Variants in EEF2 observed in about 807,000 individuals in gnomAD.
EEF2 encodes eukaryotic translation elongation factor 2.
EEF2 carries 21 observed loss-of-function variants against 85.3 expected under a neutral mutation model. That is an observed-to-expected ratio of 0.25 (90% confidence interval 0.17 to 0.35). EEF2 has a LOEUF of 0.35. Among genes scored for constraint, EEF2 ranks in the 10% least tolerant of loss-of-function variants. The pLI is 1.00. For synonymous variants in EEF2, 723 were observed against 508.8 expected (o/e 1.42, Z -5.67); for missense variants, 825 against 1,225.3 (o/e 0.67, Z 4.88).
At position 3,985,361 on chromosome 19, in the gene EEF2, G is replaced by A. The variant is rs1458935145; in HGVS notation, c.3+17C>T. On this transcript the variant is annotated intron_variant, in intron 1 of 14. Coordinates refer to ENST00000309311, the MANE Select transcript of EEF2 (RefSeq NM_001961.4). ...CCCGCCGCCGCTCCGGGGCACCAGC[G>A]AGGCAGGGTTACTCACCATGGTGGC... 19 of 1,480,420 alleles carry A rather than the reference G, an allele frequency of 1.3e-5. No individual in the cohort carries two copies. The South Asian group carries it at 2.0e-4, about 16-fold the overall frequency. The allele number at this position is 1,480,420 out of a possible 1,614,324, so 91.7% of individuals were successfully genotyped here.
rs186122405 is a variant in EEF2, at chr19:3,981,867, C to T, written c.897+80G>A. 2,428 of 1,360,372 alleles carry T rather than the reference C, an allele frequency of 1.8e-3. 5 individuals carry two copies. Among genetic ancestry groups the T allele is most frequent in the Admixed American group, 2.7e-3 (145 of 52,884 alleles). 84.3% of individuals were successfully genotyped at this position (1,360,372 alleles called of 1,614,324 possible). ...CCACAAGGAGACGGGCCCAGTCAGC[C>T]GACAGGCTACCGGCCGGAGCCCACA... On this transcript the variant is annotated intron_variant, in intron 6 of 14. Coordinates refer to ENST00000309311, the MANE Select transcript of EEF2 (RefSeq NM_001961.4).
rs200480185 is a variant in EEF2 at position 3,982,033 on chromosome 19, C to T, written c.811G>A (p.Gly271Ser). Residue 271 changes from glycine (G) to serine (S), a missense_variant, in exon 6 of 15, where the codon GGC (glycine) becomes AGC (serine). By Grantham distance (56) the Gly-to-Ser change is moderately conservative (BLOSUM62 0). Transcript: ENST00000309311. ...WGDRYFDPAN[G>S]KFSKSATSPE... The stretch of plus-strand genomic sequence containing the variant: ...CTGGTGGCTGACTTGCTGAACTTGC[C>T]GTTGGCTGGGTCAAAGTACCTGGCA... 1.8e-4 allele frequency: 293 copies of T among 1,614,006 alleles called. 1 individual carries two copies. Among genetic ancestry groups the T allele is most frequent in the Non-Finnish European group, 2.4e-4 (281 of 1,180,004 alleles).
In EEF2 at chr19:3,977,717, C is replaced by G. The variant is rs530881667; in HGVS notation, c.2067+102G>C. The stretch of plus-strand genomic sequence containing the variant: ...CACCAGGGGGACCTGGGGCCTTGCC[C>G]GCCTTGGCCCCATTAGGGTCTCTGT... On this transcript the variant is annotated intron_variant, in intron 12 of 14. Coordinates refer to ENST00000309311, the MANE Select transcript of EEF2 (RefSeq NM_001961.4). The surrounding 1 kb of genome is among the most constrained non-coding windows in gnomAD (Gnocchi z 5.4). 1 of 1,480,932 alleles carries G rather than the reference C, an allele frequency of 6.8e-7. No homozygotes were observed. The highest frequency in any genetic ancestry group is 8.9e-7 in the Non-Finnish European group (1 of 1,118,432). 91.7% of individuals were successfully genotyped at this position (1,480,932 alleles called of 1,614,324 possible).
chr19:3,984,927 G>C, intron 1 of EEF2: 1 of 181,008 alleles, frequency 5.5e-6, no homozygotes, highest in Non-Finnish European at 1.1e-5. Flanking sequence ...AGCATCAGGA[G>C]AAGGTATTTG....
Position 3,982,326 on chromosome 19 carries a change from G to T in EEF2, c.711C>A (p.Ala237=), listed in dbSNP as rs11544964. The part of the protein sequence containing the change: ...QFAEMYVAKF[A]AKGEGQLGPA... ...GCCCCAACTGGCCCTCCCCCTTGGC[G>T]GCGAACTTGGCCACATACATCTCGG... The change falls in exon 5 of 15, where the codon GCC becomes GCA. Residue 237 remains alanine, a synonymous_variant. Coordinates refer to ENST00000309311, the MANE Select transcript of EEF2 (RefSeq NM_001961.4). 1 of 1,614,114 alleles carries T rather than the reference G, an allele frequency of 6.2e-7. No individual in the cohort carries two copies. Among genetic ancestry groups the T allele is most frequent in the Non-Finnish European group, 8.5e-7 (1 of 1,180,032 alleles).
In EEF2 at chr19:3,980,070, G is replaced by A. The variant is rs200964873; in HGVS notation, c.1347-4C>T. 11 of 1,610,214 alleles carry A rather than the reference G, an allele frequency of 6.8e-6. No individual in the cohort carries two copies. The East Asian group carries it at 1.6e-4, about 23-fold the overall frequency. ...GCGGCCCATCATCAAGATTGTTCTG[G>A]AAGAAGCAGAAGGCGGCAGCAGGCC... On this transcript the variant is annotated splice_region_variant and splice_polypyrimidine_tract_variant and intron_variant, in intron 9 of 14. Coordinates refer to ENST00000309311, the MANE Select transcript of EEF2 (RefSeq NM_001961.4).
At chr19:3,983,333 A>G in intron 2 of EEF2, 42 bp from the exon 3 acceptor site, 6 of 1,588,008 alleles carry the variant, frequency 3.8e-6, no homozygotes, top group Non-Finnish European at 5.2e-6. Context: ...GGAGCCACAC[A>G]CCTGGCCCAG....
rs114174651 is a variant in EEF2, at chr19:3,980,929, G to C, written c.1062C>G (p.Ile354Met). 2 of 1,572,034 alleles carry C rather than the reference G, an allele frequency of 1.3e-6. No homozygotes were observed. Among genetic ancestry groups the C allele is most frequent in the African/African-American group, 1.3e-5 (1 of 74,234 alleles). The stretch of plus-strand genomic sequence containing the variant: ...TCACAGGGGAGGGCAGGTGGATGGT[G>C]ATCATCTGCAACAAGGCGTCTCCGG... ...LPAGDALLQM[I>M]TIHLPSPVTA... The change falls in exon 8 of 15, where the codon ATC becomes ATG. Residue 354 changes from isoleucine to methionine, a missense_variant. Physicochemically the swap from Ile to Met is conservative, Grantham distance 10. Coordinates refer to ENST00000309311, the MANE Select transcript of EEF2 (RefSeq NM_001961.4).
chr19:3,979,278 G>A (rs1226008628), intron 11 of EEF2, 51 bp downstream of exon 11: 7 of 1,448,564 alleles, frequency 4.8e-6, no homozygotes, highest in Non-Finnish European at 3.9e-6. Context: ...TTAAAGCAGA[G>A]GGCAGGTGTC....
In EEF2 at chr19:3,977,489, T is replaced by G; in HGVS notation, c.2189A>C (p.Tyr730Ser). The G allele has an allele frequency of 6.3e-7, 1 of 1,588,118 alleles. No homozygotes were observed. The highest frequency in any genetic ancestry group is 8.5e-7 in the Non-Finnish European group (1 of 1,171,794). Residue 730 changes from tyrosine to serine, a missense_variant, in exon 13 of 15, where the codon TAT becomes TCT. Tyr to Ser is a moderately radical substitution (Grantham distance 144, BLOSUM62 -2). Coordinates refer to ENST00000309311, the MANE Select transcript of EEF2 (RefSeq NM_001961.4). The surrounding 1 kb of genome is among the most constrained non-coding windows in gnomAD (Gnocchi z 5.4). Reference sequence around the variant, plus strand: ...TGGCTGGGCGGTCAGCACACTGGCATAGAGGCAGCGCCGTGCTGTGGGGAT... The same window carrying G: ...TGGCTGGGCGGTCAGCACACTGGCAGAGAGGCAGCGCCGTGCTGTGGGGAT... Reference protein sequence around the residue: ...QIIPTARRCLYASVLTAQPRL... With the variant: ...QIIPTARRCLSASVLTAQPRL...
At chr19:3,979,739 G>C in intron 10 of EEF2, 69 bp downstream of exon 10, 1 of 1,561,880 alleles carries the variant, frequency 6.4e-7, no homozygotes, top group Non-Finnish European at 8.7e-7. Flanking sequence ...AACCCACACA[G>C]CCACAACTCA....
intron 10 of EEF2, 116 bp from the exon 11 acceptor site, chr19:3,979,552 T>C (rs879663976): frequency 7.0e-6 from 7 of 995,506 alleles, no homozygotes; most frequent in Admixed American, 4.8e-5. Context: ...GGGAAGGTGC[T>C]GGGAAACTGG....
chr19:3,976,479 C>A lies in EEF2; in HGVS notation c.*75G>T. The stretch of plus-strand genomic sequence containing the variant: ...CTGTGTCGGGACAGTCTCCAGGTGT[C>A]GTCTGAGAATTCGAGGACGTGGTGC... On this transcript the variant is annotated 3_prime_UTR_variant, in exon 15 of 15. Transcript: ENST00000309311. 1.3e-6 allele frequency: 2 copies of A among 1,511,554 alleles called. No individual in the cohort carries two copies. Among genetic ancestry groups the A allele is most frequent in the South Asian group, 2.4e-5 (2 of 82,570 alleles). The allele number at this position is 1,511,554 out of a possible 1,614,324, so 93.6% of individuals were successfully genotyped here.
At chr19:3,982,645 G>A (rs111934443) in intron 4 of EEF2, 162 bp downstream of exon 4, 16 of 1,106,124 alleles carry the variant, frequency 1.4e-5, no homozygotes, top group African/African-American at 1.1e-4. Flanking sequence ...CAAAGATCAA[G>A]GGCTGGGTCA....
At chr19:3,984,474 A>T in intron 1 of EEF2, 124 bp from the exon 2 acceptor site, 1 of 1,009,032 alleles carries the variant, frequency 9.9e-7, no homozygotes, top group South Asian at 1.5e-5. Flanking sequence ...GGGGTGCCCC[A>T]AGCCCACCGA....
At position 3,977,771 on chromosome 19, in the gene EEF2, T is replaced by C; in HGVS notation, c.2067+48A>G. ...GGGAGGCAGGACCATGAGGTCCCTC[T>C]AGAGCCTGGAAACGGGTGTGGTCTG... On this transcript the variant is annotated intron_variant, in intron 12 of 14. Coordinates refer to ENST00000309311, the MANE Select transcript of EEF2 (RefSeq NM_001961.4). This position sits in a 1 kb window ranked among gnomAD's most constrained non-coding sequence, Gnocchi z 5.4. 2 of 1,524,604 alleles carry C rather than the reference T, an allele frequency of 1.3e-6. No homozygotes were observed. Among genetic ancestry groups the C allele is most frequent in the African/African-American group, 2.7e-5 (2 of 72,886 alleles). The allele number at this position is 1,524,604 out of a possible 1,614,324, so 94.4% of individuals were successfully genotyped here. A position where few individuals can be genotyped will look rare whatever the true frequency, so the allele number is the denominator to read the frequency against.
At chr19:3,983,537 C>A (rs1599198073) in intron 2 of EEF2, among the ~76,000 whole-genome samples, 1 of 152,074 alleles carries the variant, frequency 6.6e-6, no homozygotes, top group Non-Finnish European at 1.5e-5. Flanking sequence ...CCTGCCCCAC[C>A]GACTTGGTCC....
Position 3,977,577 on chromosome 19 carries a change from G to C in EEF2, c.2101C>G (p.Arg701Gly). The part of the protein sequence containing the change: ...ALCEENMRGV[R>G]FDVHDVTLHA... ...AGGGTGACGTCGTGGACGTCGAAGC[G>C]CACACCCCGCATGTTCTCCTCACAC... Residue 701 changes from arginine to glycine, a missense_variant, in exon 13 of 15, where the codon CGC becomes GGC. Coordinates refer to ENST00000309311, the MANE Select transcript of EEF2 (RefSeq NM_001961.4). This position sits in a 1 kb window ranked among gnomAD's most constrained non-coding sequence, Gnocchi z 5.4. 6.4e-7 allele frequency: 1 copy of C among 1,558,152 alleles called. No homozygotes were observed. Among genetic ancestry groups the C allele is most frequent in the Non-Finnish European group, 8.6e-7 (1 of 1,158,364 alleles).
chr19:3,977,811 T>C lies in EEF2; in HGVS notation c.2067+8A>G. The C allele has an allele frequency of 6.3e-7, 1 of 1,575,298 alleles. No individual in the cohort carries two copies. Among genetic ancestry groups the C allele is most frequent in the East Asian group, 2.3e-5 (1 of 44,160 alleles). On this transcript the variant is annotated splice_region_variant and intron_variant, in intron 12 of 14. Transcript: ENST00000309311. This position sits in a 1 kb window ranked among gnomAD's most constrained non-coding sequence, Gnocchi z 5.4. ...GGTGTGGTCTGCACATGCTGAGCCG[T>C]GCCTCACCTCCTTGGTGGCCCACTG... is the stretch of plus-strand genomic sequence containing the variant.
Sources: gnomAD v4.1 joint callset for allele counts (sites outside exome capture counted in the v4.1 genomes callset) on GRCh38, gnomAD v4.1.1 for gene constraint, Gnocchi (gnomAD v3.1) non-coding constraint, MANE v1.5 for transcripts, NCBI Gene and HGNC (gene_info 2026-07-23, HGNC 2026-07-21) for gene names.